Variants in SEMA6A observed in about 807,000 individuals in gnomAD.
SEMA6A encodes semaphorin-6A.
SEMA6A carries 25 observed loss-of-function variants against 96.8 expected under a neutral mutation model. The ratio of observed to expected loss-of-function variants is 0.26; its 90% CI spans 0.19 to 0.36. The LOEUF is 0.36. Ranked by LOEUF, SEMA6A falls within the 10% of genes least tolerant of loss-of-function variation. The probability of loss-of-function intolerance (pLI) is 1.00; values close to 1 mark genes in which losing one functional copy is unlikely to be tolerated. For missense variants in SEMA6A, 1,363 were observed against 1,323.1 expected, an observed-to-expected ratio of 1.03 and a Z score of -0.47; for synonymous variants, 612 against 518.0, an observed-to-expected ratio of 1.18 and a Z score of -2.46.
At chr5:116,557,012 G>T (rs1348665175) in intron 1 of SEMA6A, among the ~76,000 whole-genome samples, 1 of 152,214 alleles carries the variant, frequency 6.6e-6, no homozygotes, top group South Asian at 2.1e-4. Context: ...TGGCACTACT[G>T]TGAGAAAAGT....
intron 1 of SEMA6A, among the ~76,000 whole-genome samples, chr5:116,564,966 T>C (rs1442078236): frequency 6.6e-6 from 1 of 152,230 alleles, no homozygotes; most frequent in African/African-American, 2.4e-5. Context: ...ATTTTATTTA[T>C]TTAGTAATCT....
At position 116,491,738 on chromosome 5, in the gene SEMA6A, A is replaced by G; in HGVS notation, c.535+2T>C. 6.2e-7 allele frequency: 1 copy of G among 1,612,690 alleles called. No individual in the cohort carries two copies. The highest frequency in any genetic ancestry group is 8.5e-7 in the Non-Finnish European group (1 of 1,178,776). ...GCAACGAGGAGAAATCAGGTCGCTT[A>G]CCTGCAAACAGTGCAACGTTGGCAT... On this transcript the variant is annotated splice_donor_variant, in intron 7 of 18. Coordinates refer to ENST00000343348, the MANE Select transcript of SEMA6A (RefSeq NM_020796.5). LOFTEE classifies it high-confidence loss of function.
intron 1 of SEMA6A, among the ~76,000 whole-genome samples, chr5:116,547,281 T>C (rs1760225039): frequency 6.6e-6 from 1 of 152,242 alleles, no homozygotes; most frequent in South Asian, 2.1e-4. Flanking sequence ...TTCAATTTTA[T>C]GGAAATCTTT....
chr5:116,486,619 AGTGCTTCTTAGCTAC>A, intron 10 of SEMA6A, 115 bp downstream of exon 10: 1 of 705,596 alleles, frequency 1.4e-6, no homozygotes, highest in Non-Finnish European at 2.4e-6. Flanking sequence ...CTAAGTGTTA[AGTGCTTCTTAGCTAC>A]ACACAATGAA....
chr5:116,460,264 T>C (rs1051322139), intron 18 of SEMA6A, among the ~76,000 whole-genome samples: 1 of 152,160 alleles, frequency 6.6e-6, no homozygotes, highest in Non-Finnish European at 1.5e-5. Context: ...CTGTTTTCAA[T>C]AATAATCTTT....
At chr5:116,568,368 G>C (rs1342367733) in intron 1 of SEMA6A, among the ~76,000 whole-genome samples, 1 of 152,130 alleles carries the variant, frequency 6.6e-6, no homozygotes, top group African/African-American at 2.4e-5. Context: ...TGAGAGTCTG[G>C]AACTCAGGTC....
At chr5:116,477,787 T>C in intron 15 of SEMA6A, 59 bp downstream of exon 15, 1 of 1,538,674 alleles carries the variant, frequency 6.5e-7, no homozygotes, top group African/African-American at 1.4e-5. Flanking sequence ...AAATCTTACA[T>C]CTAGAATACA....
In SEMA6A at chr5:116,446,588, G is replaced by A. The variant is rs1320649366; in HGVS notation, c.*25C>T. 5.5e-6 allele frequency: 8 copies of A among 1,456,058 alleles called. No individual in the cohort carries two copies. Among genetic ancestry groups the A allele is most frequent in the South Asian group, 1.5e-5 (1 of 67,482 alleles). The allele number at this position is 1,456,058 out of a possible 1,614,324, so 90.2% of individuals were successfully genotyped here. A position where few individuals can be genotyped will look rare whatever the true frequency, so the allele number is the denominator to read the frequency against. ...GGCACCTCGCCTTGCCTGCTGGTTCGACACCTGACCCCCTCCCCCTGGGAT... is the reference window on the plus strand; with the variant it reads ...GGCACCTCGCCTTGCCTGCTGGTTCAACACCTGACCCCCTCCCCCTGGGAT... On this transcript the variant is annotated 3_prime_UTR_variant, in exon 19 of 19. Transcript: ENST00000343348.
intron 1 of SEMA6A, among the ~76,000 whole-genome samples, chr5:116,531,508 GA>G (rs2112840744): frequency 6.6e-6 from 1 of 152,254 alleles, no homozygotes; most frequent in South Asian, 2.1e-4. Context: ...ATCTGGTGGT[GA>G]AAGTCCTTGT....
chr5:116,549,077 C>T (rs1760300517), intron 1 of SEMA6A, among the ~76,000 whole-genome samples: 1 of 152,132 alleles, frequency 6.6e-6, no homozygotes, highest in Non-Finnish European at 1.5e-5. Flanking sequence ...AAGCAAACAA[C>T]AAAATGGACC....
chr5:116,557,991 G>C (rs936195023), intron 1 of SEMA6A, among the ~76,000 whole-genome samples: 1 of 152,160 alleles, frequency 6.6e-6, no homozygotes, highest in African/African-American at 2.4e-5. Flanking sequence ...CTCAAATATG[G>C]TGTCCCAACA....
chr5:116,523,558 C>T (rs1171830308), intron 1 of SEMA6A, among the ~76,000 whole-genome samples: 1 of 152,078 alleles, frequency 6.6e-6, no homozygotes, highest in African/African-American at 2.4e-5. Flanking sequence ...GTGATCCACC[C>T]GCCTCAGTCT....
chr5:116,542,811 C>T (rs769430109), intron 1 of SEMA6A, among the ~76,000 whole-genome samples: 17 of 152,306 alleles, frequency 1.1e-4, no homozygotes, highest in South Asian at 8.3e-4. Context: ...GTGAGGGCAG[C>T]GGCTGTCTTC....
chr5:116,462,926 CT>C (rs1184530581), intron 18 of SEMA6A, among the ~76,000 whole-genome samples: 1 of 152,054 alleles, frequency 6.6e-6, no homozygotes, highest in Non-Finnish European at 1.5e-5. Context: ...GCATTATTTA[CT>C]TAATATTCTA....
At chr5:116,455,269 C>CT (rs1317858444) in intron 18 of SEMA6A, among the ~76,000 whole-genome samples, 1 of 152,160 alleles carries the variant, frequency 6.6e-6, no homozygotes, top group Non-Finnish European at 1.5e-5. Flanking sequence ...GATGTCTAGA[C>CT]TAAGAGTCAT....
chr5:116,571,121 TCACTGTAGGGAAAATAA>T (rs1258868288), intron 1 of SEMA6A, among the ~76,000 whole-genome samples: 1 of 152,230 alleles, frequency 6.6e-6, no homozygotes, highest in Admixed American at 6.5e-5. Context: ...ATTTTTTTTT[TCACTGTAGGGAAAATAA>T]AGAAGTCCAC....
intron 1 of SEMA6A, among the ~76,000 whole-genome samples, chr5:116,531,979 GAAC>G (rs1759497618): frequency 6.6e-6 from 1 of 152,086 alleles, no homozygotes; most frequent in African/African-American, 2.4e-5. Flanking sequence ...GCCAATAGGG[GAAC>G]AACACAGAGG....
intron 11 of SEMA6A, among the ~76,000 whole-genome samples, chr5:116,481,804 A>G (rs1033054123): frequency 2.6e-5 from 4 of 152,166 alleles, no homozygotes; most frequent in African/African-American, 9.6e-5. Context: ...CATAGGACTG[A>G]GAGGTCTCTG....
At chr5:116,462,440 A>G in intron 18 of SEMA6A, among the ~76,000 whole-genome samples, 1 of 152,184 alleles carries the variant, frequency 6.6e-6, no homozygotes, top group East Asian at 1.9e-4. Context: ...CTAGGCTACA[A>G]TTTGAGTAAT....
Sources: gnomAD v4.1 joint callset for allele counts (sites outside exome capture counted in the v4.1 genomes callset) on GRCh38, gnomAD v4.1.1 for gene constraint, MANE v1.5 for transcripts, NCBI Gene and HGNC (gene_info 2026-07-23, HGNC 2026-07-21) for gene names.